Variants in CSMD1 observed in about 807,000 individuals in gnomAD.
CSMD1 encodes CUB and sushi domain-containing protein 1.
Under a neutral mutation model 417.5 loss-of-function variants are expected in CSMD1, and 213 were observed. The ratio of observed to expected loss-of-function variants is 0.51; its 90% CI spans 0.46 to 0.57. CSMD1 has a LOEUF of 0.57. Ranked by LOEUF, CSMD1 falls within the 20% of genes least tolerant of loss-of-function variation. The pLI is 0.00. For synonymous variants in CSMD1, 2,862 were observed against 1,736.8 expected (o/e 1.65, Z -16.11); for missense variants, 6,923 against 4,529.7 (o/e 1.53, Z -15.17).
In CSMD1 at chr8:4,128,076, A is replaced by T. The variant is rs918628791; in HGVS notation, c.416-95977T>A. Reference sequence around the variant, plus strand: ...CTCAAGAGCAGTGGACAAGACCTCAAAATGGTTCCTCAACAGTCTTCACAT... The same window carrying T: ...CTCAAGAGCAGTGGACAAGACCTCATAATGGTTCCTCAACAGTCTTCACAT... On this transcript the variant is annotated intron_variant, in intron 3 of 69. Transcript: ENST00000635120. Among the ~76,000 whole-genome samples the T allele has an allele frequency of 1.3e-5, 2 of 152,288 alleles. 1 individual carries two copies. The highest frequency in any genetic ancestry group is 6.8e-3 in the Middle Eastern group (2 of 294).
At chr8:3,156,416 G>C (rs895136354) in intron 39 of CSMD1, among the ~76,000 whole-genome samples, 3 of 152,200 alleles carry the variant, frequency 2.0e-5, no homozygotes, top group East Asian at 1.9e-4. Context: ...TGAAGATACA[G>C]AGGTGAGTAT....
chr8:3,969,024 G>C (rs970539369), intron 5 of CSMD1, among the ~76,000 whole-genome samples: 3 of 152,202 alleles, frequency 2.0e-5, no homozygotes, highest in Non-Finnish European at 2.9e-5. Context: ...GCCGAGGCAG[G>C]TGGATCACTT....
intron 2 of CSMD1, among the ~76,000 whole-genome samples, chr8:4,453,950 T>C (rs976621336): frequency 6.7e-6 from 1 of 148,732 alleles, no homozygotes; most frequent in Non-Finnish European, 1.5e-5. Context: ...GCCTCCCGAG[T>C]AGCTGGGACT....
chr8:4,752,862 G>C (rs911998034), intron 1 of CSMD1, among the ~76,000 whole-genome samples: 1 of 152,178 alleles, frequency 6.6e-6, no homozygotes, highest in African/African-American at 2.4e-5. Context: ...GAACTAGGCA[G>C]ATCAGCATGT....
At chr8:4,227,675 C>A (rs935715770) in intron 3 of CSMD1, among the ~76,000 whole-genome samples, 2 of 152,044 alleles carry the variant, frequency 1.3e-5, no homozygotes, top group Non-Finnish European at 2.9e-5. Context: ...GCAGACACAG[C>A]CTCCATCCTA....
In CSMD1 at chr8:3,666,197, G is replaced by C. The variant is rs146176710; in HGVS notation, c.1009+42217C>G. On this transcript the variant is annotated intron_variant, in intron 7 of 69. Coordinates refer to ENST00000635120, the MANE Select transcript of CSMD1 (RefSeq NM_033225.6). ...AGGCATGAGCCACCACGCTTGGCTT[G>C]ATGCTTTGTTTTTCTCATTGTTTTC... 8.2e-3 allele frequency among the ~76,000 whole-genome samples: 1,242 copies of C among 152,220 alleles called. 15 individuals are homozygous for C. Among genetic ancestry groups the C allele is most frequent in the African/African-American group, 0.028 (1,174 of 41,524 alleles).
chr8:3,289,717 T>C (rs1803410472), intron 25 of CSMD1, among the ~76,000 whole-genome samples: 1 of 147,466 alleles, frequency 6.8e-6, no homozygotes, highest in South Asian at 2.1e-4. Flanking sequence ...TTGTAGATTC[T>C]GGATATTAGC....
intron 3 of CSMD1, among the ~76,000 whole-genome samples, chr8:4,191,591 A>C (rs1357646695): frequency 6.6e-6 from 1 of 152,126 alleles, no homozygotes; most frequent in Non-Finnish European, 1.5e-5. Context: ...ACTGTTCTTC[A>C]GCTGTTTAAG....
chr8:4,581,824 G>T (rs1208297137), intron 2 of CSMD1, among the ~76,000 whole-genome samples: 1 of 152,120 alleles, frequency 6.6e-6, no homozygotes, highest in Non-Finnish European at 1.5e-5. Context: ...AGGAAGCCTG[G>T]GAGGGCACAA....
At chr8:4,031,851 A>C (rs1797362921) in intron 4 of CSMD1, 54 bp downstream of exon 4, 1 of 1,387,350 alleles carries the variant, frequency 7.2e-7, no homozygotes, top group Non-Finnish European at 9.7e-7. Context: ...AAGCATCTCC[A>C]AAACCATTGC....
intron 17 of CSMD1, among the ~76,000 whole-genome samples, chr8:3,395,428 G>C (rs1197668026): frequency 2.0e-5 from 3 of 152,090 alleles, no homozygotes; most frequent in Non-Finnish European, 2.9e-5. Flanking sequence ...TCCTAGGGGT[G>C]ATTCCCATCA....
chr8:4,290,861 C>G (rs1191599921), intron 3 of CSMD1, among the ~76,000 whole-genome samples: 2 of 152,162 alleles, frequency 1.3e-5, no homozygotes, highest in Non-Finnish European at 2.9e-5. Flanking sequence ...CCATCTGTTT[C>G]TTGTGACTCA....
At chr8:4,061,521 G>C (rs373804528) in intron 3 of CSMD1, among the ~76,000 whole-genome samples, 1 of 152,130 alleles carries the variant, frequency 6.6e-6, no homozygotes, top group Non-Finnish European at 1.5e-5. Flanking sequence ...AGGGAATGTG[G>C]GAGAAGCTGC....
intron 1 of CSMD1, among the ~76,000 whole-genome samples, chr8:4,795,683 C>G (rs949585865): frequency 2.0e-5 from 3 of 152,104 alleles, no homozygotes; most frequent in Non-Finnish European, 4.4e-5. Context: ...TAATTATCTT[C>G]TGTGAACTGG....
chr8:4,764,456 A>G (rs1411464257), intron 1 of CSMD1, among the ~76,000 whole-genome samples: 1 of 152,178 alleles, frequency 6.6e-6, no homozygotes, highest in East Asian at 1.9e-4. Context: ...ATTTTACGTT[A>G]TCGTCTGTAT....
intron 2 of CSMD1, among the ~76,000 whole-genome samples, chr8:4,610,150 C>G (rs201280960): frequency 0.09 from 13,708 of 152,102 alleles, 711 homozygotes; most frequent in East Asian, 0.17. Context: ...GTTATGAACA[C>G]CTTTTCTTCC....
intron 5 of CSMD1, among the ~76,000 whole-genome samples, chr8:3,864,987 C>T (rs1393328655): frequency 2.6e-5 from 4 of 152,168 alleles, no homozygotes; most frequent in Non-Finnish European, 5.9e-5. Context: ...ATGACATCAT[C>T]TGCTTTAGTC....
chr8:3,943,336 G>A (rs539185570), intron 5 of CSMD1, among the ~76,000 whole-genome samples: 24 of 147,816 alleles, frequency 1.6e-4, no homozygotes, highest in African/African-American at 6.0e-4. Context: ...AAGTATTCTT[G>A]TAGTGAGTGA....
intron 5 of CSMD1, among the ~76,000 whole-genome samples, chr8:3,783,289 G>A (rs1481976098): frequency 1.3e-5 from 2 of 152,206 alleles, no homozygotes; most frequent in Admixed American, 1.3e-4. Flanking sequence ...CTCACCATTA[G>A]AAATACTGGG....
Sources: allele counts gnomAD v4.1 joint callset (sites outside exome capture counted in the v4.1 genomes callset), GRCh38; gene constraint gnomAD v4.1.1; transcripts MANE v1.5; gene names NCBI Gene and HGNC (gene_info 2026-07-23, HGNC 2026-07-21).